The following RNF182 variants were observed in gnomAD, a reference collection of about 807,000 sequenced individuals.
The protein encoded by RNF182 is E3 ubiquitin-protein ligase RNF182.
Under a neutral mutation model 14.4 loss-of-function variants are expected in RNF182, and 15 were observed. The ratio of observed to expected loss-of-function variants is 1.04; its 90% CI spans 0.70 to 1.60. The LOEUF is 1.60. Ranked by LOEUF, RNF182 falls within the 40% of genes most tolerant of loss-of-function variation. The pLI is 0.00. For synonymous variants in RNF182, 128 were observed against 122.9 expected (o/e 1.04, Z -0.27); for missense variants, 268 against 294.8 (o/e 0.91, Z 0.67).
intron 1 of RNF182, among the ~76,000 whole-genome samples, chr6:13,930,443 G>A (rs930765986): frequency 6.6e-6 from 1 of 152,058 alleles, no homozygotes; most frequent in Non-Finnish European, 1.5e-5. Context: ...TGCCTCACGG[G>A]GTTATCCTCA....
At chr6:13,942,364 C>G (rs9357947) in intron 1 of RNF182, among the ~76,000 whole-genome samples, 1 of 152,020 alleles carries the variant, frequency 6.6e-6, no homozygotes, top group Non-Finnish European at 1.5e-5. Context: ...TTTTTTGAGA[C>G]AAAATCTTGC....
chr6:13,943,707 T>TA (rs1361680395), intron 1 of RNF182, among the ~76,000 whole-genome samples: 1 of 152,208 alleles, frequency 6.6e-6, no homozygotes, highest in Non-Finnish European at 1.5e-5. Context: ...TGAATAATGT[T>TA]AAAGTTTTGC....
intron 1 of RNF182, among the ~76,000 whole-genome samples, chr6:13,954,692 C>G (rs758060994): frequency 5.9e-5 from 9 of 152,078 alleles, no homozygotes; most frequent in Non-Finnish European, 1.2e-4. Context: ...TGTGGGTTCA[C>G]CCTTCTTTTT....
At chr6:13,927,872 C>T (rs923660951) in intron 1 of RNF182, among the ~76,000 whole-genome samples, 7 of 152,196 alleles carry the variant, frequency 4.6e-5, no homozygotes, top group Non-Finnish European at 1.5e-5. Context: ...ATTACCAAAA[C>T]ACTTAGATTT....
intron 1 of RNF182, among the ~76,000 whole-genome samples, chr6:13,953,693 T>C (rs1207808476): frequency 2.0e-5 from 3 of 151,686 alleles, no homozygotes; most frequent in African/African-American, 4.8e-5. Context: ...TATTAAGGAG[T>C]GGGAATGAGG....
intron 1 of RNF182, among the ~76,000 whole-genome samples, chr6:13,971,793 G>A (rs1380712407): frequency 1.3e-5 from 2 of 152,188 alleles, no homozygotes; most frequent in African/African-American, 4.8e-5. Flanking sequence ...GAATAAAGGT[G>A]ACTCTTGCTA....
At chr6:13,944,326 G>A (rs1196501307) in intron 1 of RNF182, among the ~76,000 whole-genome samples, 1 of 152,172 alleles carries the variant, frequency 6.6e-6, no homozygotes, top group Non-Finnish European at 1.5e-5. Context: ...AGCTTTCTCA[G>A]GTAGGCATGT....
intron 1 of RNF182, among the ~76,000 whole-genome samples, chr6:13,952,587 A>C (rs962399262): frequency 4.6e-5 from 7 of 152,160 alleles, no homozygotes; most frequent in Admixed American, 3.9e-4. Context: ...GGTGCTGTGC[A>C]GACGATTTTC....
chr6:13,949,809 G>C (rs977181147), intron 1 of RNF182: 1 of 152,700 alleles, frequency 6.5e-6, no homozygotes, highest in African/African-American at 2.4e-5. Flanking sequence ...ACTTATAAAA[G>C]TTTTAAAACT....
chr6:13,949,059 CT>C (rs1759515622), intron 1 of RNF182: 3 of 648,462 alleles, frequency 4.6e-6, no homozygotes, highest in Non-Finnish European at 8.5e-6. Context: ...TTTCACAAAC[CT>C]TTTATAACCC....
chr6:13,961,049 T>C (rs568487322), intron 1 of RNF182, among the ~76,000 whole-genome samples: 4 of 152,334 alleles, frequency 2.6e-5, no homozygotes, highest in East Asian at 3.9e-4. Context: ...TTATGAGCTT[T>C]ATATATTATT....
chr6:13,970,359 G>T (rs977469779), intron 1 of RNF182, among the ~76,000 whole-genome samples: 2 of 152,116 alleles, frequency 1.3e-5, no homozygotes, highest in African/African-American at 4.8e-5. Flanking sequence ...TGAGGTATTT[G>T]TCTTTCTGTG....
At chr6:13,963,216 T>G (rs753345826) in intron 1 of RNF182, among the ~76,000 whole-genome samples, 9 of 152,186 alleles carry the variant, frequency 5.9e-5, no homozygotes, top group Non-Finnish European at 1.2e-4. Context: ...ACATAGAAAC[T>G]GTATTTTGAC....
intron 1 of RNF182, among the ~76,000 whole-genome samples, chr6:13,947,168 A>G (rs370486755): frequency 1.3e-5 from 2 of 152,152 alleles, no homozygotes; most frequent in South Asian, 4.1e-4. Flanking sequence ...TCAGATTTTT[A>G]TGTTAATCAT....
At chr6:13,934,737 T>C (rs920252981) in intron 1 of RNF182, among the ~76,000 whole-genome samples, 2 of 152,094 alleles carry the variant, frequency 1.3e-5, no homozygotes, top group African/African-American at 4.8e-5. Flanking sequence ...ACAAACAAAA[T>C]CCAAATAAAT....
At chr6:13,954,391 G>A (rs922159862) in intron 1 of RNF182, among the ~76,000 whole-genome samples, 1 of 152,178 alleles carries the variant, frequency 6.6e-6, no homozygotes, top group South Asian at 2.1e-4. Flanking sequence ...TCCAAACAAG[G>A]ACTACTCATG....
chr6:13,971,686 C>A (rs1004826204), intron 1 of RNF182, among the ~76,000 whole-genome samples: 1 of 152,264 alleles, frequency 6.6e-6, no homozygotes, highest in South Asian at 2.1e-4. Flanking sequence ...TTCCTAGAGA[C>A]TTTGAATGCC....
intron 1 of RNF182, among the ~76,000 whole-genome samples, chr6:13,942,644 T>C (rs1391626450): frequency 1.3e-5 from 2 of 152,142 alleles, no homozygotes; most frequent in Non-Finnish European, 2.9e-5. Flanking sequence ...CCCTGGCCAG[T>C]TTTAGAATAT....
At chr6:13,970,838 G>A (rs1183969073) in intron 1 of RNF182, among the ~76,000 whole-genome samples, 2 of 152,144 alleles carry the variant, frequency 1.3e-5, no homozygotes, top group Non-Finnish European at 2.9e-5. Context: ...CGCGTTGGCA[G>A]AAAAATATAC....
Sources: allele counts gnomAD v4.1 joint callset (sites outside exome capture counted in the v4.1 genomes callset), GRCh38; gene constraint gnomAD v4.1.1; transcripts MANE v1.5; gene names NCBI Gene and HGNC (gene_info 2026-07-23, HGNC 2026-07-21).